TBC1D31: variants seen among roughly 807,000 people sequenced by gnomAD.
TBC1D31 encodes TBC1 domain family member 31.
In TBC1D31, 99 loss-of-function variants were observed where a neutral mutation model predicts 132.9. That is an observed-to-expected ratio of 0.74 (90% CI 0.63 to 0.88). The LOEUF is 0.88. Among genes scored for constraint, TBC1D31 ranks in the 40% least tolerant of loss-of-function variants. The probability of loss-of-function intolerance (pLI) is 0.00; values close to 1 mark genes in which losing one functional copy is unlikely to be tolerated. For missense variants in TBC1D31, 1,134 were observed against 1,256.6 expected (o/e 0.90, Z 1.48); for synonymous variants, 385 against 419.4 (o/e 0.92, Z 1.00).
chr8:123,125,083 G>T (rs1819903607), intron 11 of TBC1D31, among the ~76,000 whole-genome samples: 1 of 152,070 alleles, frequency 6.6e-6, no homozygotes, highest in Admixed American at 6.6e-5. Context: ...TCCAGAATTG[G>T]AAAGTTCTTA....
intron 1 of TBC1D31, among the ~76,000 whole-genome samples, chr8:123,073,641 G>A (rs961511506): frequency 6.6e-6 from 1 of 152,070 alleles, no homozygotes. Context: ...AGGATTTCAC[G>A]GAAATTGCTT....
chr8:123,102,270 A>G (rs1457548713), intron 7 of TBC1D31: 1 of 456,580 alleles, frequency 2.2e-6, no homozygotes, highest in African/African-American at 2.0e-5. Flanking sequence ...CTCAAAATTA[A>G]TCACACAGCG....
intron 7 of TBC1D31, among the ~76,000 whole-genome samples, chr8:123,104,480 A>G (rs1263598245): frequency 6.6e-6 from 1 of 152,232 alleles, no homozygotes; most frequent in East Asian, 1.9e-4. Context: ...ATCCCATCCC[A>G]TAGATGAATT....
intron 10 of TBC1D31, among the ~76,000 whole-genome samples, chr8:123,113,858 A>T (rs950394281): frequency 1.3e-5 from 2 of 152,204 alleles, no homozygotes; most frequent in African/African-American, 4.8e-5. Context: ...GGATTATTCT[A>T]CATTAAAAGA....
rs561277097 is a variant in TBC1D31 at position 123,081,731 on chromosome 8, C to T, written c.225-971C>T. Among the ~76,000 whole-genome samples the T allele has an allele frequency of 5.3e-5, 8 of 152,250 alleles. No individual in the cohort carries two copies. In the East Asian group the frequency reaches 7.7e-4, roughly 15 times the overall value. On this transcript the variant is annotated intron_variant, in intron 2 of 21. Transcript: ENST00000287380. ...TGGCAGAACGCAAAGGTACTTCTTA[C>T]GTAGTGGTGGCAAGAGAGAAATGAA...
chr8:123,087,260 A>C (rs1208485193), intron 4 of TBC1D31, among the ~76,000 whole-genome samples: 1 of 151,636 alleles, frequency 6.6e-6, no homozygotes, highest in East Asian at 1.9e-4. Flanking sequence ...TTTTCTTTCT[A>C]TTTCATTAGC....
chr8:123,114,585 G>A (rs1022206700), intron 10 of TBC1D31, among the ~76,000 whole-genome samples: 1 of 152,104 alleles, frequency 6.6e-6, no homozygotes, highest in Non-Finnish European at 1.5e-5. Flanking sequence ...GCCTCCCAAA[G>A]TGCTGGCATT....
rs559956212 is a variant in TBC1D31 at position 123,121,817 on chromosome 8, G to A, written c.1570+1629G>A. Among the ~76,000 whole-genome samples, 320 of 152,194 alleles carry A rather than the reference G, an allele frequency of 2.1e-3. 1 individual carries two copies. The highest frequency in any genetic ancestry group is 7.3e-3 in the African/African-American group (305 of 41,530). ...TAGTTTACCTGCCAATAGCACTACC[G>A]TGTTTTAAAAGCAAAAGAAACACAA... is the stretch of plus-strand genomic sequence containing the variant. On this transcript the variant is annotated intron_variant, in intron 11 of 21. Coordinates refer to ENST00000287380, the MANE Select transcript of TBC1D31 (RefSeq NM_145647.4).
At chr8:123,137,069 A>C (rs1821168190) in intron 17 of TBC1D31, among the ~76,000 whole-genome samples, 1 of 152,194 alleles carries the variant, frequency 6.6e-6, no homozygotes, top group Non-Finnish European at 1.5e-5. Context: ...GATTACCTCC[A>C]CATGAGCTCA....
Position 123,126,107 on chromosome 8 carries a change from T to G in TBC1D31, c.1622T>G (p.Ile541Ser), listed in dbSNP as rs748372901. Residue 541 changes from isoleucine to serine, a missense_variant, in exon 12 of 22, where the codon ATT (isoleucine) becomes AGT (serine). Coordinates refer to ENST00000287380, the MANE Select transcript of TBC1D31 (RefSeq NM_145647.4). ...TATTTTCCTAATCCTCCTATCAATATTCTTAGCATGATAGAAAATGTTTTG... is the reference window on the plus strand; with the variant it reads ...TATTTTCCTAATCCTCCTATCAATAGTCTTAGCATGATAGAAAATGTTTTG... ...FEYFPNPPIN[I>S]LSMIENVLAF... The G allele has an allele frequency of 6.2e-7, 1 of 1,612,008 alleles. No individual in the cohort carries two copies. The highest frequency in any genetic ancestry group is 1.7e-5 in the Admixed American group (1 of 59,812).
intron 2 of TBC1D31, among the ~76,000 whole-genome samples, chr8:123,080,493 CAA>C (rs1815012288): frequency 3.4e-5 from 5 of 145,332 alleles, no homozygotes; most frequent in Admixed American, 2.7e-4. Flanking sequence ...AACTTTTAGA[CAA>C]GAGCAGAGAG....
At chr8:123,080,241 C>T (rs1814989053) in intron 2 of TBC1D31, among the ~76,000 whole-genome samples, 1 of 152,128 alleles carries the variant, frequency 6.6e-6, no homozygotes, top group Non-Finnish European at 1.5e-5. Flanking sequence ...TATATAGCAT[C>T]TTCATCAAAG....
At chr8:123,097,679 T>C in intron 6 of TBC1D31, 1 of 375,518 alleles carries the variant, frequency 2.7e-6, no homozygotes, top group East Asian at 4.7e-5. Context: ...TATATTGTAC[T>C]TTATGGTTTG....
chr8:123,134,489 T>G (rs1434640280), intron 17 of TBC1D31, among the ~76,000 whole-genome samples: 1 of 151,750 alleles, frequency 6.6e-6, no homozygotes. Flanking sequence ...ATCACATCAC[T>G]GTACTCCAGC....
intron 7 of TBC1D31, among the ~76,000 whole-genome samples, chr8:123,101,939 T>C (rs1452449895): frequency 6.6e-6 from 1 of 152,220 alleles, no homozygotes; most frequent in East Asian, 1.9e-4. Context: ...CCTTCGCCTG[T>C]TGAATTAAGT....
At chr8:123,137,682 A>G (rs6991182) in intron 17 of TBC1D31, among the ~76,000 whole-genome samples, 56,684 of 152,098 alleles carry the variant, frequency 0.37, 10,873 homozygotes, top group African/African-American at 0.42. Flanking sequence ...TTTCTCTACA[A>G]CCCATCCAAA....
chr8:123,123,869 GA>G (rs1819740594), intron 11 of TBC1D31, among the ~76,000 whole-genome samples: 2 of 152,106 alleles, frequency 1.3e-5, no homozygotes, highest in African/African-American at 4.8e-5. Flanking sequence ...TTGTCCTGGT[GA>G]TATTTTCAAT....
intron 4 of TBC1D31, among the ~76,000 whole-genome samples, chr8:123,086,181 C>T (rs1431318400): frequency 1.4e-5 from 2 of 145,400 alleles, no homozygotes; most frequent in African/African-American, 5.1e-5. Flanking sequence ...AGGGTTTCCA[C>T]GCTGCTACCC....
the TBC1D31 span, among the ~76,000 whole-genome samples, chr8:123,159,571 C>A: frequency 2.0e-5 from 3 of 152,148 alleles, no homozygotes; most frequent in Non-Finnish European, 4.4e-5. Flanking sequence ...GCGGGAGGAC[C>A]ACCTGAGGTC....
Sources: allele counts gnomAD v4.1 joint callset (sites outside exome capture counted in the v4.1 genomes callset), GRCh38; gene constraint gnomAD v4.1.1; transcripts MANE v1.5; gene names NCBI Gene and HGNC (gene_info 2026-07-23, HGNC 2026-07-21).